Variants in CDH12 observed in about 807,000 individuals in gnomAD.
CDH12 encodes the protein cadherin-12.
Under a neutral mutation model 74.1 loss-of-function variants are expected in CDH12, and 41 were observed. That is an observed-to-expected ratio of 0.55 (90% confidence interval 0.43 to 0.72). The LOEUF is 0.72. Ranked by LOEUF, CDH12 falls within the 30% of genes least tolerant of loss-of-function variation. CDH12 has a pLI of 0.00. For synonymous variants in CDH12, 399 were observed against 355.0 expected (o/e 1.12, Z -1.39); for missense variants, 945 against 977.2 (o/e 0.97, Z 0.44).
chr5:22,236,512 C>T (rs1752565092), intron 3 of CDH12, among the ~76,000 whole-genome samples: 1 of 151,866 alleles, frequency 6.6e-6, no homozygotes, highest in Admixed American at 6.6e-5. Context: ...GTGGGCAGAT[C>T]ACTTAAGGTC....
At chr5:22,230,836 A>G (rs1051711404) in intron 3 of CDH12, among the ~76,000 whole-genome samples, 7 of 152,080 alleles carry the variant, frequency 4.6e-5, no homozygotes, top group African/African-American at 1.7e-4. Context: ...CATCTCCTCT[A>G]CTTCCTCCAC....
intron 10 of CDH12, among the ~76,000 whole-genome samples, chr5:21,786,209 AATGGT>A (rs913409579): frequency 5.9e-5 from 9 of 152,140 alleles, no homozygotes; most frequent in Non-Finnish European, 1.3e-4. Flanking sequence ...GCTGGAGTGC[AATGGT>A]ATGATCTCAG....
intron 3 of CDH12, among the ~76,000 whole-genome samples, chr5:22,251,631 A>G (rs1190974238): frequency 6.6e-6 from 1 of 152,180 alleles, no homozygotes; most frequent in Non-Finnish European, 1.5e-5. Flanking sequence ...GAAAACAGTG[A>G]GATTGATGCC....
intron 1 of CDH12, among the ~76,000 whole-genome samples, chr5:22,817,745 G>C (rs1028963376): frequency 1.3e-5 from 2 of 152,004 alleles, no homozygotes; most frequent in Non-Finnish European, 2.9e-5. Context: ...TGACTAATAG[G>C]CAAGAGCTGT....
chr5:22,562,247 G>T (rs1580767140), intron 1 of CDH12, among the ~76,000 whole-genome samples: 1 of 152,002 alleles, frequency 6.6e-6, no homozygotes, highest in Admixed American at 6.5e-5. Context: ...AACCCGGGAG[G>T]TGGAGCTGGC....
chr5:22,432,918 T>G (rs181394299), intron 2 of CDH12, among the ~76,000 whole-genome samples: 2 of 152,206 alleles, frequency 1.3e-5, no homozygotes, highest in East Asian at 1.9e-4. Context: ...CAGAGTCAGT[T>G]GATTGAGCAT....
chr5:22,535,889 T>A (rs1038405843), intron 1 of CDH12, among the ~76,000 whole-genome samples: 2 of 152,226 alleles, frequency 1.3e-5, no homozygotes, highest in African/African-American at 2.4e-5. Flanking sequence ...AAATATTTTT[T>A]AAAAAATTGC....
chr5:22,595,527 G>A (rs1736560846), intron 1 of CDH12, among the ~76,000 whole-genome samples: 1 of 152,132 alleles, frequency 6.6e-6, no homozygotes, highest in Admixed American at 6.5e-5. Flanking sequence ...CTAAATAAGA[G>A]CTATATAAGT....
intron 3 of CDH12, among the ~76,000 whole-genome samples, chr5:22,325,894 G>C (rs1349936821): frequency 6.6e-6 from 1 of 151,784 alleles, no homozygotes; most frequent in Non-Finnish European, 1.5e-5. Context: ...GGCGACAGAG[G>C]GAGACTCCGT....
chr5:22,768,824 A>C (rs1166730907), intron 1 of CDH12, among the ~76,000 whole-genome samples: 1 of 152,288 alleles, frequency 6.6e-6, no homozygotes, highest in East Asian at 1.9e-4. Flanking sequence ...GACATCCTAT[A>C]ATTGTGGGAA....
At position 22,319,388 on chromosome 5, in the gene CDH12, T is replaced by C. The variant is rs539069751; in HGVS notation, c.-333+85869A>G. ...AGCAAATACTTCAAGACCAACATCC[T>C]ATGTGGGAAGAAAAGGAATAAAAGG... On this transcript the variant is annotated intron_variant, in intron 3 of 14. Transcript: ENST00000382254. 3.9e-4 allele frequency among the ~76,000 whole-genome samples: 59 copies of C among 152,258 alleles called. 1 individual carries two copies. The highest frequency in any genetic ancestry group is 1.4e-3 in the African/African-American group (59 of 41,542).
intron 14 of CDH12, 57 bp downstream of exon 14, chr5:21,755,534 G>A: frequency 2.0e-6 from 3 of 1,507,276 alleles, no homozygotes; most frequent in Non-Finnish European, 1.8e-6. Context: ...GAGAGAGAGG[G>A]GAAAAAAAGG....
rs1742895981 is a variant in CDH12, at chr5:22,405,324, C to A, written c.-400G>T. ...CAAATTGTTTTGACCTCCACAGTAA[C>A]TTGATTCTATAGCACTGGACATCAA... On this transcript the variant is annotated 5_prime_UTR_variant, in exon 3 of 15. Transcript: ENST00000382254. 2 of 980,908 alleles carry A rather than the reference C, an allele frequency of 2.0e-6. No homozygotes were observed. Among genetic ancestry groups the A allele is most frequent in the African/African-American group, 3.5e-5 (2 of 57,144 alleles). 60.8% of individuals were successfully genotyped at this position (980,908 alleles called of 1,614,324 possible). A position where few individuals can be genotyped will look rare whatever the true frequency, so the allele number is the denominator to read the frequency against.
intron 3 of CDH12, among the ~76,000 whole-genome samples, chr5:22,239,589 G>A (rs1002986364): frequency 6.6e-6 from 1 of 152,174 alleles, no homozygotes; most frequent in African/African-American, 2.4e-5. Flanking sequence ...ATAGAGGATA[G>A]GTGGATAGAT....
intron 4 of CDH12, among the ~76,000 whole-genome samples, chr5:22,187,981 CTT>C (rs1750062747): frequency 6.6e-6 from 1 of 151,932 alleles, no homozygotes; most frequent in Non-Finnish European, 1.5e-5. Context: ...CTCTGGAACT[CTT>C]TTTATGAGTG....
chr5:22,342,069 C>A (rs1057330765), intron 3 of CDH12, among the ~76,000 whole-genome samples: 2 of 152,114 alleles, frequency 1.3e-5, no homozygotes, highest in African/African-American at 4.8e-5. Flanking sequence ...CTCACATGGC[C>A]TTCCCTTGGT....
chr5:21,967,546 C>T (rs1443143072), intron 6 of CDH12, among the ~76,000 whole-genome samples: 1 of 152,012 alleles, frequency 6.6e-6, no homozygotes, highest in African/African-American at 2.4e-5. Context: ...TGCTTAGAGT[C>T]ATTTGGTGGT....
rs75908659 is a variant in CDH12 at position 22,803,066 on chromosome 5, C to T, written c.-523+49992G>A. Among the ~76,000 whole-genome samples, 494 of 152,244 alleles carry T rather than the reference C, an allele frequency of 3.2e-3. 7 individuals carry two copies. The highest frequency in any genetic ancestry group is 0.011 in the African/African-American group (475 of 41,550). On this transcript the variant is annotated intron_variant, in intron 1 of 14. Coordinates refer to ENST00000382254, the MANE Select transcript of CDH12 (RefSeq NM_004061.5). Reference sequence around the variant, plus strand: ...CTCACTAAAGGAAGCCCAACATCAACTTTCCCACTTACCATCTTGCATGGC... The same window carrying T: ...CTCACTAAAGGAAGCCCAACATCAATTTTCCCACTTACCATCTTGCATGGC...
chr5:22,611,728 C>G (rs1186269446), intron 1 of CDH12, among the ~76,000 whole-genome samples: 2 of 152,120 alleles, frequency 1.3e-5, no homozygotes, highest in Non-Finnish European at 2.9e-5. Context: ...ACCCAGTCTC[C>G]TGCTCCTATG....
Sources: gnomAD v4.1 joint callset for allele counts (sites outside exome capture counted in the v4.1 genomes callset) on GRCh38, gnomAD v4.1.1 for gene constraint, MANE v1.5 for transcripts, NCBI Gene and HGNC (gene_info 2026-07-23, HGNC 2026-07-21) for gene names.